Variants in GNE observed in about 807,000 individuals in gnomAD.
The protein encoded by GNE is glucosamine (UDP-N-acetyl)-2-epimerase/N-acetylmannosamine kinase.
In GNE, 41 loss-of-function variants were observed where a neutral mutation model predicts 61.8. That is an observed-to-expected ratio of 0.66 (90% confidence interval 0.52 to 0.86). GNE has a LOEUF of 0.86. Ranked by LOEUF, GNE falls within the 40% of genes least tolerant of loss-of-function variation. GNE has a pLI of 0.00. For synonymous variants in GNE, 264 were observed against 326.4 expected, an observed-to-expected ratio of 0.81 and a Z score of 2.06; for missense variants, 608 against 909.1, an observed-to-expected ratio of 0.67 and a Z score of 4.26.
chr9:36,254,579 T>C (rs2133148046), intron 1 of GNE, among the ~76,000 whole-genome samples: 1 of 152,004 alleles, frequency 6.6e-6, no homozygotes, highest in Admixed American at 6.5e-5. Context: ...AAATTTCCTT[T>C]TGTAAGGAGG....
chr9:36,223,319 TA>T (rs1197419906), intron 8 of GNE, 53 bp downstream of exon 8: 14 of 1,511,632 alleles, frequency 9.3e-6, no homozygotes, highest in Non-Finnish European at 1.2e-5. Context: ...CACAAGTTAG[TA>T]AATTTTGTAC....
chr9:36,232,336 GCCCCCCCTC>G (rs1829204118), intron 5 of GNE, among the ~76,000 whole-genome samples: 1 of 84,882 alleles, frequency 1.2e-5, no homozygotes, highest in African/African-American at 4.4e-5. Context: ...TTGCCCCCCC[GCCCCCCCTC>G]CCGACATTCC....
At chr9:36,223,932 A>G (rs1281404994) in intron 7 of GNE, among the ~76,000 whole-genome samples, 1 of 151,686 alleles carries the variant, frequency 6.6e-6, no homozygotes, top group Non-Finnish European at 1.5e-5. Flanking sequence ...TTGTATTTTT[A>G]GTAGAGATGG....
chr9:36,265,824 C>CT (rs759712042), intron 1 of GNE, among the ~76,000 whole-genome samples: 2 of 152,214 alleles, frequency 1.3e-5, no homozygotes, highest in Non-Finnish European at 2.9e-5. Context: ...ATTTGTGCTT[C>CT]TATGAGAATC....
In GNE at chr9:36,216,640, GATTATTATTATT is replaced by G. The variant is rs113316798; in HGVS notation, c.*713_*724del. 6 of 131,570 alleles carry G rather than the reference GATTATTATTATT, an allele frequency of 4.6e-5. No homozygotes were observed. The South Asian group carries it at 1.5e-3, about 33-fold the overall frequency. 8.2% of individuals were successfully genotyped at this position (131,570 alleles called of 1,614,324 possible). ...GTGAGCCACTGCGCCCAGCTGGAAGGATTATTATTATTATTATTATTATTATTATTATTTATT... is the reference window on the plus strand; with the variant it reads ...GTGAGCCACTGCGCCCAGCTGGAAGGATTATTATTATTATTATTATTTATT... On this transcript the variant is annotated 3_prime_UTR_variant, in exon 12 of 12. Transcript: ENST00000642385.
intron 1 of GNE, among the ~76,000 whole-genome samples, chr9:36,269,345 C>G (rs189184515): frequency 1.3e-5 from 2 of 151,926 alleles, no homozygotes; most frequent in East Asian, 1.9e-4. Context: ...GAAATTGGCT[C>G]ACTCTCAAGC....
At chr9:36,227,188 TAA>T in intron 7 of GNE, 58 bp downstream of exon 7, 4 of 1,032,292 alleles carry the variant, frequency 3.9e-6, no homozygotes, top group South Asian at 1.3e-5. Flanking sequence ...TATATATACT[TAA>T]AAAAAAAATC....
At chr9:36,264,373 A>G (rs1333512667) in intron 1 of GNE, among the ~76,000 whole-genome samples, 2 of 152,042 alleles carry the variant, frequency 1.3e-5, no homozygotes, top group African/African-American at 2.4e-5. Context: ...GAGCTCAGGC[A>G]ATCCGCCTGC....
intron 3 of GNE, among the ~76,000 whole-genome samples, chr9:36,245,238 T>C (rs1037147706): frequency 4.6e-5 from 7 of 152,022 alleles, no homozygotes; most frequent in Non-Finnish European, 8.8e-5. Context: ...CACTCCAACC[T>C]GGATGACAGA....
rs187875852 is a variant in GNE at position 36,216,297 on chromosome 9, T to A, written c.*1068A>T. 491 of 409,204 alleles carry A rather than the reference T, an allele frequency of 1.2e-3. 1 individual carries two copies. The African/African-American group carries it at 0.013, about 11-fold the overall frequency. 25.3% of individuals were successfully genotyped at this position (409,204 alleles called of 1,614,324 possible). A position where few individuals can be genotyped will look rare whatever the true frequency, so the allele number is the denominator to read the frequency against. On this transcript the variant is annotated 3_prime_UTR_variant, in exon 12 of 12. Transcript: ENST00000642385. ...TGTTCTCTGACTGGATCACCTTCTG[T>A]GATCTTAGTTTGGGGTTAGAGGAGG... is the stretch of plus-strand genomic sequence containing the variant.
intron 7 of GNE, among the ~76,000 whole-genome samples, chr9:36,225,560 G>T (rs1011899961): frequency 7.2e-5 from 11 of 152,052 alleles, no homozygotes; most frequent in African/African-American, 2.4e-4. Context: ...ACTTGAGCCC[G>T]GGAGGCAGAG....
chr9:36,268,031 C>G (rs1014593191), intron 1 of GNE: 2 of 151,952 alleles, frequency 1.3e-5, no homozygotes, highest in Admixed American at 6.6e-5. Flanking sequence ...CCCAGCTACC[C>G]AGGAAGCTGA....
intron 7 of GNE, among the ~76,000 whole-genome samples, chr9:36,225,660 G>T (rs1379786794): frequency 1.3e-5 from 2 of 152,122 alleles, no homozygotes; most frequent in Admixed American, 1.3e-4. Flanking sequence ...ATCTAGAGCT[G>T]GGCACAGTGG....
chr9:36,237,309 CTAAT>C (rs1379423087), intron 3 of GNE, among the ~76,000 whole-genome samples: 1 of 152,194 alleles, frequency 6.6e-6, no homozygotes, highest in Non-Finnish European at 1.5e-5. Flanking sequence ...CAATTTCTAA[CTAAT>C]GTTTTTAGTG....
chr9:36,253,989 AT>A (rs1830223982), intron 1 of GNE, among the ~76,000 whole-genome samples: 1 of 151,926 alleles, frequency 6.6e-6, no homozygotes, highest in Non-Finnish European at 1.5e-5. Flanking sequence ...GTGAGCCGAG[AT>A]TACACCATTG....
intron 2 of GNE, 43 bp from the exon 3 acceptor site, chr9:36,246,525 A>G: frequency 7.0e-7 from 1 of 1,424,046 alleles, no homozygotes; most frequent in Non-Finnish European, 9.9e-7. Flanking sequence ...ATGTTCTTAA[A>G]CACAGAGCCG....
chr9:36,254,369 C>T (rs1335278486), intron 1 of GNE, among the ~76,000 whole-genome samples: 2 of 151,170 alleles, frequency 1.3e-5, no homozygotes, highest in African/African-American at 2.4e-5. Context: ...TCTCTACAAA[C>T]AAATTTTTTT....
At chr9:36,266,273 G>A (rs1276383873) in intron 1 of GNE, among the ~76,000 whole-genome samples, 1 of 152,198 alleles carries the variant, frequency 6.6e-6, no homozygotes, top group Non-Finnish European at 1.5e-5. Context: ...GCCAGTACCA[G>A]TCCATGGCCC....
intron 6 of GNE, among the ~76,000 whole-genome samples, chr9:36,227,990 A>ACCACTG (rs1421804242): frequency 6.9e-6 from 1 of 145,940 alleles, no homozygotes; most frequent in Admixed American, 7.1e-5. Flanking sequence ...TCGAGATCGC[A>ACCACTG]CCACTGCACT....
Sources: allele counts gnomAD v4.1 joint callset (sites outside exome capture counted in the v4.1 genomes callset), GRCh38; gene constraint gnomAD v4.1.1; transcripts MANE v1.5; gene names NCBI Gene and HGNC (gene_info 2026-07-23, HGNC 2026-07-21).